CD53: variants seen among roughly 807,000 people sequenced by gnomAD.
The protein encoded by CD53 is CD53 molecule.
CD53 carries 20 observed loss-of-function variants against 27.3 expected under a neutral mutation model. The observed-to-expected ratio is 0.73, with a 90% CI of 0.52 to 1.07. CD53 has a LOEUF of 1.07. CD53 is among the 50% of genes least tolerant of loss of function. CD53 has a pLI of 0.00. For synonymous variants in CD53, 106 were observed against 105.3 expected, an observed-to-expected ratio of 1.01 and a Z score of -0.04; for missense variants, 216 against 264.0, an observed-to-expected ratio of 0.82 and a Z score of 1.26.
intron 1 of CD53, among the ~76,000 whole-genome samples, chr1:110,887,016 GTTTGA>G (rs1249136786): frequency 6.7e-6 from 1 of 149,020 alleles, no homozygotes; most frequent in East Asian, 1.9e-4. Context: ...ATCTTTAGAA[GTTTGA>G]TTTGAGTCTT....
In CD53 at chr1:110,878,996, CAT is replaced by C. The variant is rs527349085; in HGVS notation, c.-18+5749_-18+5750del. Reference sequence around the variant, plus strand: ...CTAATAGGTACAAATGGAAAAAAAACATGTGCTTTTCTTTATTGTTTGATTTC... The same window carrying C: ...CTAATAGGTACAAATGGAAAAAAAACGTGCTTTTCTTTATTGTTTGATTTC... On this transcript the variant is annotated intron_variant, in intron 1 of 7. Transcript: ENST00000271324. Among the ~76,000 whole-genome samples, 368 of 149,302 alleles carry C rather than the reference CAT, an allele frequency of 2.5e-3. 1 individual carries two copies. The highest frequency in any genetic ancestry group is 8.0e-3 in the African/African-American group (320 of 39,968).
chr1:110,890,805 G>A (rs1280655496), intron 1 of CD53, among the ~76,000 whole-genome samples: 1 of 152,150 alleles, frequency 6.6e-6, no homozygotes, highest in Non-Finnish European at 1.5e-5. Context: ...TCTTCTGGAG[G>A]ATAGCTACTG....
chr1:110,872,057 GCATGCCCGCAAGT>G (rs1228360373), upstream of CD53, among the ~76,000 whole-genome samples: 6 of 152,104 alleles, frequency 3.9e-5, no homozygotes, highest in African/African-American at 1.4e-4. Context: ...TTTCCCAGAG[GCATGCCCGCAAGT>G]CAGCACCGCA....
chr1:110,876,258 T>G (rs770248316), intron 1 of CD53, among the ~76,000 whole-genome samples: 2 of 152,208 alleles, frequency 1.3e-5, no homozygotes, highest in African/African-American at 4.8e-5. Context: ...CAGAATGTCT[T>G]CTGATTCTCT....
intron 1 of CD53, among the ~76,000 whole-genome samples, chr1:110,874,161 T>G (rs1656045701): frequency 6.6e-6 from 1 of 152,170 alleles, no homozygotes; most frequent in Admixed American, 6.5e-5. Flanking sequence ...AAGGAGAAAG[T>G]TCTCTTTGAT....
At chr1:110,871,798 G>A (rs953110762), upstream of CD53, among the ~76,000 whole-genome samples, 1 of 125,476 alleles carries the variant, frequency 8.0e-6, no homozygotes. Context: ...CTGAAAAATT[G>A]TTCCCCAAGA....
At chr1:110,877,296 C>T (rs2101038066) in intron 1 of CD53, among the ~76,000 whole-genome samples, 1 of 152,200 alleles carries the variant, frequency 6.6e-6, no homozygotes, top group Middle Eastern at 3.4e-3. Context: ...ATAGGAATAC[C>T]AACAAAGTGG....
chr1:110,887,293 T>G (rs1044398662), intron 1 of CD53, among the ~76,000 whole-genome samples: 2 of 152,154 alleles, frequency 1.3e-5, no homozygotes, highest in Non-Finnish European at 2.9e-5. Flanking sequence ...CTCGATCTCC[T>G]GACCTTGTGA....
chr1:110,878,490 A>G (rs1445264898), intron 1 of CD53, among the ~76,000 whole-genome samples: 2 of 152,212 alleles, frequency 1.3e-5, no homozygotes, highest in Non-Finnish European at 2.9e-5. Flanking sequence ...AATGATGGTT[A>G]TCTCTGGGAG....
intron 1 of CD53, among the ~76,000 whole-genome samples, chr1:110,873,641 C>A (rs1656028291): frequency 6.6e-6 from 1 of 152,180 alleles, no homozygotes; most frequent in South Asian, 2.1e-4. Context: ...AAAGAACCCA[C>A]AGCCAGAGCT....
chr1:110,891,797 T>C (rs574531241), intron 2 of CD53, among the ~76,000 whole-genome samples: 1 of 152,350 alleles, frequency 6.6e-6, no homozygotes, highest in African/African-American at 2.4e-5. Flanking sequence ...GTTTTTCTTG[T>C]CTTTTTTTCT....
In CD53 at chr1:110,899,401, G is replaced by T. The variant is rs1570916288; in HGVS notation, c.*206G>T. ...CAAGACAATCTTTCACTCACTGACG[G>T]CAGCAGCCATGTCTCTCAAAGTGGT... On this transcript the variant is annotated 3_prime_UTR_variant, in exon 8 of 8. Transcript: ENST00000271324. The T allele has an allele frequency of 4.0e-6, 2 of 494,838 alleles. No individual in the cohort carries two copies. Among genetic ancestry groups the T allele is most frequent in the Non-Finnish European group, 7.3e-6 (2 of 274,246 alleles). 30.7% of individuals were successfully genotyped at this position (494,838 alleles called of 1,614,324 possible). A position where few individuals can be genotyped will look rare whatever the true frequency, so the allele number is the denominator to read the frequency against.
intron 1 of CD53, among the ~76,000 whole-genome samples, chr1:110,890,302 C>T (rs1424164356): frequency 1.3e-5 from 2 of 152,180 alleles, no homozygotes; most frequent in Non-Finnish European, 2.9e-5. Context: ...TGCGGTAGCT[C>T]ATGCCTGTAA....
At chr1:110,896,579 T>C (rs770328299) in intron 5 of CD53, 74 bp from the exon 6 acceptor site, 2 of 1,411,428 alleles carry the variant, frequency 1.4e-6, no homozygotes, top group Non-Finnish European at 2.0e-6. Context: ...GGGCACACCT[T>C]TTCCTCTAAG....
At chr1:110,872,817 C>T (rs1289818276), upstream of CD53, among the ~76,000 whole-genome samples, 1 of 152,122 alleles carries the variant, frequency 6.6e-6, no homozygotes, top group Admixed American at 6.5e-5. Flanking sequence ...AGGCATACTT[C>T]TTTTTGAACA....
In CD53 at chr1:110,890,708, G is replaced by GA. The variant is rs990808856; in HGVS notation, c.-17-677dup. ...TCACTAAGAAAATGATATTCTAGTT[G>GA]AAAAAAATAAAGCTTACATTGCTAT... On this transcript the variant is annotated intron_variant, in intron 1 of 7. Transcript: ENST00000271324. Among the ~76,000 whole-genome samples, 22 of 152,106 alleles carry GA rather than the reference G, an allele frequency of 1.4e-4. 1 individual carries two copies. Among genetic ancestry groups the GA allele is most frequent in the African/African-American group, 4.8e-4 (20 of 41,430 alleles).
chr1:110,885,407 A>G lies in CD53; in HGVS notation c.-17-5985A>G, dbSNP rs531930356. On this transcript the variant is annotated intron_variant, in intron 1 of 7. Coordinates refer to ENST00000271324, the MANE Select transcript of CD53 (RefSeq NM_000560.4). ...CAAAAAATTAGCTGGACGTGGTGGC[A>G]GGCGCCTGTAGTCCTAGCCACTCGG... 2.0e-3 allele frequency among the ~76,000 whole-genome samples: 311 copies of G among 152,196 alleles called. 1 individual carries two copies. The highest frequency in any genetic ancestry group is 0.01 in the East Asian group (53 of 5,166).
At chr1:110,874,476 C>T (rs1286458522) in intron 1 of CD53, among the ~76,000 whole-genome samples, 2 of 152,158 alleles carry the variant, frequency 1.3e-5, no homozygotes, top group African/African-American at 4.8e-5. Flanking sequence ...TAAGAGATAT[C>T]ATACTATGCG....
At chr1:110,895,079 C>T in intron 5 of CD53, 24 bp downstream of exon 5, 1 of 1,507,944 alleles carries the variant, frequency 6.6e-7, no homozygotes, top group African/African-American at 1.4e-5. Flanking sequence ...GAATCCTCTT[C>T]AGATCAGCCC....
Sources: gnomAD v4.1 joint callset for allele counts (sites outside exome capture counted in the v4.1 genomes callset) on GRCh38, gnomAD v4.1.1 for gene constraint, MANE v1.5 for transcripts, NCBI Gene and HGNC (gene_info 2026-07-23, HGNC 2026-07-21) for gene names.